Variants in PARP8 observed in about 807,000 individuals in gnomAD.
PARP8 encodes protein mono-ADP-ribosyltransferase PARP8.
In PARP8, 51 loss-of-function variants were observed where a neutral mutation model predicts 124.1. The ratio of observed to expected loss-of-function variants is 0.41; its 90% CI spans 0.33 to 0.52. The LOEUF is 0.52. Ranked by LOEUF, PARP8 falls within the 20% of genes least tolerant of loss-of-function variation. The pLI, the probability that PARP8 is intolerant of heterozygous loss-of-function variation, is 0.21. For missense variants in PARP8, 860 were observed against 1,018.9 expected, an observed-to-expected ratio of 0.84 and a Z score of 2.12; for synonymous variants, 391 against 361.5, an observed-to-expected ratio of 1.08 and a Z score of -0.93.
intron 2 of PARP8, among the ~76,000 whole-genome samples, chr5:50,729,434 A>G (rs1452868628): frequency 1.3e-5 from 2 of 152,202 alleles, no homozygotes; most frequent in Non-Finnish European, 2.9e-5. Context: ...ATAAAATGTA[A>G]TGAAAGGTAT....
At chr5:50,678,012 G>A (rs1750834707) in intron 2 of PARP8, among the ~76,000 whole-genome samples, 1 of 151,832 alleles carries the variant, frequency 6.6e-6, no homozygotes, top group Admixed American at 6.6e-5. Context: ...TTCAGTAAAA[G>A]TGCCTTGGCA....
At chr5:50,807,840 T>C (rs906965392) in intron 14 of PARP8, among the ~76,000 whole-genome samples, 7 of 152,070 alleles carry the variant, frequency 4.6e-5, no homozygotes, top group African/African-American at 1.7e-4. Context: ...ATGATCTCAT[T>C]CTCTTCTCCT....
rs1208525172 is a variant in PARP8, at chr5:50,749,550, A to C, written c.147-601A>C. 2.0e-5 allele frequency among the ~76,000 whole-genome samples: 3 copies of C among 152,158 alleles called. No individual in the cohort carries two copies. In the East Asian group the frequency reaches 5.8e-4, roughly 29 times the overall value. ...GAGAAGTGAGTTGTGCAATTGTTAA[A>C]ATATAATTTAAAAATTATTTTGAAA... On this transcript the variant is annotated intron_variant, in intron 2 of 25. Coordinates refer to ENST00000281631, the MANE Select transcript of PARP8 (RefSeq NM_024615.4).
intron 2 of PARP8, among the ~76,000 whole-genome samples, chr5:50,747,141 G>GTTT (rs201585071): frequency 2.0e-3 from 158 of 80,746 alleles, no homozygotes; most frequent in African/African-American, 3.7e-3. Flanking sequence ...TTCAGTTATG[G>GTTT]TTTTTTTTGT....
At chr5:50,752,407 T>C (rs1345228609) in intron 3 of PARP8, among the ~76,000 whole-genome samples, 3 of 152,056 alleles carry the variant, frequency 2.0e-5, no homozygotes, top group Admixed American at 6.6e-5. Flanking sequence ...CTGCCATGAT[T>C]ATTATCTCTT....
chr5:50,837,769 G>C (rs779415772), intron 25 of PARP8, among the ~76,000 whole-genome samples: 4 of 150,814 alleles, frequency 2.7e-5, no homozygotes, highest in African/African-American at 7.3e-5. Flanking sequence ...AAAAATGGAA[G>C]TAAAAATTTA....
At chr5:50,743,441 C>T (rs888363296) in intron 2 of PARP8, among the ~76,000 whole-genome samples, 1 of 152,052 alleles carries the variant, frequency 6.6e-6, no homozygotes, top group Non-Finnish European at 1.5e-5. Flanking sequence ...CCCAAATTAC[C>T]TTCTAGCTTG....
chr5:50,818,441 G>A lies in PARP8; in HGVS notation c.1669-2772G>A, dbSNP rs1745365293. On this transcript the variant is annotated intron_variant, in intron 15 of 25. Transcript: ENST00000281631. ...GACAGGATTTGGCCATCTTGGCCAC[G>A]CTGGTCTTGAACTCCTGATCTCAAG... is the stretch of plus-strand genomic sequence containing the variant. Among the ~76,000 whole-genome samples the A allele has an allele frequency of 3.9e-5, 6 of 152,132 alleles. No homozygotes were observed. The South Asian group carries it at 6.2e-4, about 16-fold the overall frequency.
intron 2 of PARP8, among the ~76,000 whole-genome samples, chr5:50,729,776 T>C (rs1242869273): frequency 2.6e-5 from 4 of 152,198 alleles, no homozygotes; most frequent in Non-Finnish European, 5.9e-5. Flanking sequence ...TGATGACAGC[T>C]TCAGTATCCT....
chr5:50,692,545 G>A (rs1171569556), intron 2 of PARP8, among the ~76,000 whole-genome samples: 1 of 151,542 alleles, frequency 6.6e-6, no homozygotes, highest in Non-Finnish European at 1.5e-5. Flanking sequence ...TTCTTTGTTA[G>A]TACAGTGCCT....
rs1246706062 is a variant in PARP8, at chr5:50,821,146, G to A, written c.1669-67G>A. 3 of 1,573,792 alleles carry A rather than the reference G, an allele frequency of 1.9e-6. No homozygotes were observed. In the African/African-American group the frequency reaches 4.0e-5, roughly 21 times the overall value. On this transcript the variant is annotated intron_variant, in intron 15 of 25. Coordinates refer to ENST00000281631, the MANE Select transcript of PARP8 (RefSeq NM_024615.4). ...CATTAACTTATGCTACCTTGAGAGG[G>A]AGAAACAATGGCAAAGCACTGGATA...
chr5:50,738,428 G>T (rs1757692895), intron 2 of PARP8, among the ~76,000 whole-genome samples: 1 of 151,910 alleles, frequency 6.6e-6, no homozygotes, highest in Non-Finnish European at 1.5e-5. Flanking sequence ...TAAACAAATT[G>T]TGTATTTACT....
In PARP8 at chr5:50,770,313, C is replaced by T. The variant is rs148249756; in HGVS notation, c.518+7071C>T. Among the ~76,000 whole-genome samples the T allele has an allele frequency of 7.3e-3, 1,108 of 152,226 alleles. 13 individuals are homozygous for T. The highest frequency in any genetic ancestry group is 0.026 in the African/African-American group (1,076 of 41,546). On this transcript the variant is annotated intron_variant, in intron 7 of 25. Coordinates refer to ENST00000281631, the MANE Select transcript of PARP8 (RefSeq NM_024615.4). ...GCAAAGTGTGGTTGTAGACAGGGCC[C>T]CTTCACACTCCTGAAACTTTACTTG... is the stretch of plus-strand genomic sequence containing the variant.
At chr5:50,708,533 T>G (rs1417009318) in intron 2 of PARP8, among the ~76,000 whole-genome samples, 1 of 152,128 alleles carries the variant, frequency 6.6e-6, no homozygotes, top group Non-Finnish European at 1.5e-5. Flanking sequence ...CTTATAATTT[T>G]GAAGATTGCT....
rs775424928 is a variant in PARP8, at chr5:50,794,930, C to T, written c.941C>T (p.Thr314Met). Residue 314 changes from threonine to methionine, a missense_variant, in exon 12 of 26, where the codon ACG becomes ATG. By Grantham distance (81) the Thr-to-Met change is moderately conservative (BLOSUM62 -1). Coordinates refer to ENST00000281631, the MANE Select transcript of PARP8 (RefSeq NM_024615.4). ...TCTGAGCAGGACGGAATCTCCAAAACGCATAAGCTGCTGCGGAGGACTTGT... is the reference window on the plus strand; with the variant it reads ...TCTGAGCAGGACGGAATCTCCAAAATGCATAAGCTGCTGCGGAGGACTTGT... The part of the protein sequence containing the change: ...LKSEQDGISK[T>M]HKLLRRTCSS... 19 of 1,614,052 alleles carry T rather than the reference C, an allele frequency of 1.2e-5. 1 individual carries two copies. Among genetic ancestry groups the T allele is most frequent in the South Asian group, 2.2e-5 (2 of 91,070 alleles).
intron 2 of PARP8, among the ~76,000 whole-genome samples, chr5:50,749,805 AT>A (rs1164061831): frequency 6.6e-6 from 1 of 152,126 alleles, no homozygotes; most frequent in African/African-American, 2.4e-5. Flanking sequence ...AGAAAAGATG[AT>A]TTGATGAAAT....
intron 7 of PARP8, among the ~76,000 whole-genome samples, chr5:50,772,609 T>C (rs766547354): frequency 6.6e-6 from 1 of 152,246 alleles, no homozygotes; most frequent in South Asian, 2.1e-4. Context: ...ATTAGTGATG[T>C]TGAACATTTT....
At chr5:50,747,154 G>GTTTTTTT (rs370243477) in intron 2 of PARP8, among the ~76,000 whole-genome samples, 3 of 121,914 alleles carry the variant, frequency 2.5e-5, no homozygotes, top group African/African-American at 9.8e-5. Flanking sequence ...TTTTTTGTTT[G>GTTTTTTT]TTTGTTTTGT....
chr5:50,691,033 T>A, intron 2 of PARP8, among the ~76,000 whole-genome samples: 1 of 152,194 alleles, frequency 6.6e-6, no homozygotes, highest in East Asian at 1.9e-4. Flanking sequence ...CCCTAACATG[T>A]CCTCATCATC....
Sources: allele counts gnomAD v4.1 joint callset (sites outside exome capture counted in the v4.1 genomes callset), GRCh38; gene constraint gnomAD v4.1.1; transcripts MANE v1.5; gene names NCBI Gene and HGNC (gene_info 2026-07-23, HGNC 2026-07-21).